NAT9: variants seen among roughly 807,000 people sequenced by gnomAD.
NAT9 encodes N-acetyltransferase 9.
A neutral mutation model predicts 24.0 loss-of-function variants in NAT9; 18 were observed. The observed-to-expected ratio is 0.75, with a 90% CI of 0.52 to 1.11. The LOEUF (loss-of-function observed/expected upper bound fraction) is 1.11. Ranked by LOEUF, NAT9 falls within the 50% of genes most tolerant of loss-of-function variation. The pLI, the probability that NAT9 is intolerant of heterozygous loss-of-function variation, is 0.00. For synonymous variants in NAT9, 104 were observed against 102.3 expected (o/e 1.02, Z -0.10); for missense variants, 254 against 258.6 (o/e 0.98, Z 0.12).
chr17:74,772,712 A>T, intron 4 of NAT9, 184 bp downstream of exon 4: 1 of 1,134,810 alleles, frequency 8.8e-7, no homozygotes, highest in Non-Finnish European at 1.2e-6. Flanking sequence ...TAAAGTGATG[A>T]GGCTGAGGGT....
In NAT9 at chr17:74,772,884, G is replaced by C; in HGVS notation, c.334+12C>G. The C allele has an allele frequency of 2.5e-6, 4 of 1,614,112 alleles. No individual in the cohort carries two copies. Among genetic ancestry groups the C allele is most frequent in the African/African-American group, 1.3e-5 (1 of 75,048 alleles). On this transcript the variant is annotated intron_variant, in intron 4 of 6. Coordinates refer to ENST00000357814, the MANE Select transcript of NAT9 (RefSeq NM_015654.5). ...CGGGAGTCAGCGGAAGGCAGGGCTA[G>C]GTGAAACAAACCTGCAATCATGACC...
At chr17:74,773,155 GA>G in intron 3 of NAT9, 116 bp from the exon 4 acceptor site, 1 of 1,277,792 alleles carries the variant, frequency 7.8e-7, no homozygotes, top group South Asian at 1.4e-5. Flanking sequence ...TCTGCCAGGA[GA>G]AGAGGGGGTC....
chr17:74,773,885 T>C (rs1422748199), intron 2 of NAT9, 197 bp from the exon 3 acceptor site: 2 of 546,114 alleles, frequency 3.7e-6, no homozygotes, highest in Non-Finnish European at 6.7e-6. Context: ...GCAGGACGAG[T>C]CAGTTCTATC....
chr17:74,772,588 C>G, intron 4 of NAT9: 1 of 1,401,876 alleles, frequency 7.1e-7, no homozygotes, highest in Non-Finnish European at 9.2e-7. Context: ...TGTAATATGA[C>G]AACATGCTCC....
Position 74,772,993 on chromosome 17 carries a change from T to G in NAT9, c.237A>C (p.Pro79=), listed in dbSNP as rs1466032930. The G allele has an allele frequency of 6.2e-7, 1 of 1,613,632 alleles. No homozygotes were observed. The highest frequency in any genetic ancestry group is 1.7e-5 in the Admixed American group (1 of 59,956). ...CCATGCAGCTCTCTTCGGTGGCGCC[T>G]GGCTGGGCCTGCCACTTCTCGGCAT... ...VLDAEKWQAQ[P]GATEESCMVG... The change falls in exon 4 of 7, where the codon CCA becomes CCC. Residue 79 remains proline, a synonymous_variant. Coordinates refer to ENST00000357814, the MANE Select transcript of NAT9 (RefSeq NM_015654.5).
At chr17:74,772,553 G>A in intron 4 of NAT9, 2 of 1,403,882 alleles carry the variant, frequency 1.4e-6, no homozygotes, top group Non-Finnish European at 1.8e-6. Flanking sequence ...GACCATGAAG[G>A]AGCAGAAACA....
chr17:74,771,602 G>T lies in NAT9; in HGVS notation c.*122C>A. 6.9e-7 allele frequency: 1 copy of T among 1,441,418 alleles called. No homozygotes were observed. The highest frequency in any genetic ancestry group is 1.3e-5 in the South Asian group (1 of 76,298). The allele number at this position is 1,441,418 out of a possible 1,614,324, so 89.3% of individuals were successfully genotyped here. A position where few individuals can be genotyped will look rare whatever the true frequency, so the allele number is the denominator to read the frequency against. On this transcript the variant is annotated 3_prime_UTR_variant, in exon 7 of 7. Coordinates refer to ENST00000357814, the MANE Select transcript of NAT9 (RefSeq NM_015654.5). ...CAGCAAGCCCCGCCAGAGTCTGAAGGGCCTCGAAAGGTGATTCCCAGCCTG... is the reference window on the plus strand; with the variant it reads ...CAGCAAGCCCCGCCAGAGTCTGAAGTGCCTCGAAAGGTGATTCCCAGCCTG...
At chr17:74,773,190 C>G in intron 3 of NAT9, 151 bp from the exon 4 acceptor site, 17 of 1,003,636 alleles carry the variant, frequency 1.7e-5, no homozygotes, top group Admixed American at 2.9e-5. Flanking sequence ...CAGCTCATTA[C>G]AAAATTCCAA....
At chr17:74,773,962 T>C (rs1254537592) in intron 2 of NAT9, 1 of 330,590 alleles carries the variant, frequency 3.0e-6, no homozygotes, top group Non-Finnish European at 5.9e-6. Context: ...ATTCTTCAAA[T>C]TCCAGAAGGG....
rs373082820 is a variant in NAT9 at position 74,772,246 on chromosome 17, A to G, written c.366T>C (p.Thr122=). 6.2e-6 allele frequency: 10 copies of G among 1,614,086 alleles called. No individual in the cohort carries two copies. Among genetic ancestry groups the G allele is most frequent in the African/African-American group, 1.3e-5 (1 of 74,954 alleles). ...AAGACAGCATCGCGAGAACGGCCTC[A>G]GTGCCAAGGCCCTTACCCCTGCAGC... is the stretch of plus-strand genomic sequence containing the variant. ...EPSCRGKGLG[T]EAVLAMLSYG... The change falls in exon 5 of 7, where the codon ACT becomes ACC. Residue 122 remains threonine, a synonymous_variant. Transcript: ENST00000357814.
chr17:74,775,004 G>A (rs907406448), intron 2 of NAT9, among the ~76,000 whole-genome samples: 8 of 151,488 alleles, frequency 5.3e-5, no homozygotes, highest in Non-Finnish European at 1.0e-4. Context: ...TACAGGTGCC[G>A]GGCAACAAGC....
intron 2 of NAT9, among the ~76,000 whole-genome samples, chr17:74,774,838 C>G (rs975342599): frequency 3.3e-5 from 5 of 151,714 alleles, no homozygotes; most frequent in African/African-American, 1.2e-4. Flanking sequence ...GCGTGAGCCA[C>G]TGCGCCCAGC....
chr17:74,773,309 G>A (rs2035495552), intron 3 of NAT9: 1 of 590,324 alleles, frequency 1.7e-6, no homozygotes, highest in Non-Finnish European at 3.0e-6. Flanking sequence ...GGACATGAGG[G>A]GCAGGGCCTC....
chr17:74,773,156 A>T (rs1430340487), intron 3 of NAT9, 117 bp from the exon 4 acceptor site: 4 of 1,276,626 alleles, frequency 3.1e-6, no homozygotes, highest in African/African-American at 3.0e-5. Context: ...CTGCCAGGAG[A>T]AGAGGGGGTC....
intron 2 of NAT9, 82 bp from the exon 3 acceptor site, chr17:74,773,770 C>G: frequency 8.4e-7 from 1 of 1,194,998 alleles, no homozygotes; most frequent in Non-Finnish European, 1.2e-6. Flanking sequence ...CAGAACCAGA[C>G]AGGGCTAACA....
At chr17:74,775,172 T>C (rs563777582) in intron 2 of NAT9, among the ~76,000 whole-genome samples, 1 of 151,054 alleles carries the variant, frequency 6.6e-6, no homozygotes, top group Admixed American at 6.6e-5. Flanking sequence ...TGTTTTTGTT[T>C]GTTTTTGTTT....
At chr17:74,775,913 A>T in intron 1 of NAT9, 1 of 479,712 alleles carries the variant, frequency 2.1e-6, no homozygotes, top group East Asian at 3.3e-5. Flanking sequence ...CTCCCACTCC[A>T]AGAGGCCAAG....
rs973034420 is a variant in NAT9, at chr17:74,771,306, G to A, written c.*418C>T. On this transcript the variant is annotated 3_prime_UTR_variant, in exon 7 of 7. Transcript: ENST00000357814. ...TGGTAGCTCTTCACATGGACCAAAC[G>A]GGAAAATCAGGAAAGCTGGTAGTGC... The A allele has an allele frequency of 5.9e-5, 13 of 219,728 alleles. No homozygotes were observed. Among genetic ancestry groups the A allele is most frequent in the African/African-American group, 2.7e-4 (12 of 44,870 alleles). 13.6% of individuals were successfully genotyped at this position (219,728 alleles called of 1,614,324 possible).
chr17:74,773,721 A>T (rs1188523734), intron 2 of NAT9, 33 bp from the exon 3 acceptor site: 2 of 1,582,036 alleles, frequency 1.3e-6, no homozygotes, highest in Non-Finnish European at 1.7e-6. Context: ...GACATGGAGG[A>T]CTCATTCAGA....
Sources: allele counts gnomAD v4.1 joint callset (sites outside exome capture counted in the v4.1 genomes callset), GRCh38; gene constraint gnomAD v4.1.1; transcripts MANE v1.5; gene names NCBI Gene and HGNC (gene_info 2026-07-23, HGNC 2026-07-21).